The following BRINP1 variants were observed in gnomAD, a reference collection of about 807,000 sequenced individuals.
BRINP1 encodes BMP/retinoic acid inducible neural specific 1.
BRINP1 carries 17 observed loss-of-function variants against 72.9 expected under a neutral mutation model. That is an observed-to-expected ratio of 0.23 (90% CI 0.16 to 0.35). The LOEUF is 0.35. BRINP1 is among the 10% of genes least tolerant of loss of function. The pLI is 1.00. For synonymous variants in BRINP1, 418 were observed against 378.5 expected, an observed-to-expected ratio of 1.10 and a Z score of -1.21; for missense variants, 850 against 1,001.6, an observed-to-expected ratio of 0.85 and a Z score of 2.04.
intron 1 of BRINP1, among the ~76,000 whole-genome samples, chr9:119,326,194 T>C (rs575937728): frequency 6.6e-6 from 1 of 152,330 alleles, no homozygotes; most frequent in South Asian, 2.1e-4. Flanking sequence ...AGTGTTGTAG[T>C]ACCTAAAAAT....
At chr9:119,356,757 A>G (rs1365772976) in intron 1 of BRINP1, among the ~76,000 whole-genome samples, 1 of 151,408 alleles carries the variant, frequency 6.6e-6, no homozygotes, top group African/African-American at 2.4e-5. Flanking sequence ...GTAAACCGAG[A>G]TCGCACCATT....
chr9:119,308,213 C>T (rs1831018303), intron 2 of BRINP1, among the ~76,000 whole-genome samples: 2 of 152,228 alleles, frequency 1.3e-5, no homozygotes, highest in South Asian at 2.1e-4. Context: ...TTACATTGAA[C>T]TAGAGTTCTC....
intron 7 of BRINP1, among the ~76,000 whole-genome samples, chr9:119,175,625 C>A (rs1418339673): frequency 1.3e-5 from 2 of 152,122 alleles, no homozygotes; most frequent in African/African-American, 4.8e-5. Flanking sequence ...AGGCCCTCAA[C>A]ACTATAAATG....
intron 3 of BRINP1, among the ~76,000 whole-genome samples, chr9:119,246,933 C>T (rs573531790): frequency 1.2e-4 from 18 of 152,280 alleles, no homozygotes; most frequent in Admixed American, 3.3e-4. Flanking sequence ...CAAAGCTTTG[C>T]ATATTTTAAA....
chr9:119,273,109 T>C (rs1363572761), intron 2 of BRINP1, among the ~76,000 whole-genome samples: 1 of 152,066 alleles, frequency 6.6e-6, no homozygotes, highest in African/African-American at 2.4e-5. Flanking sequence ...CCAATAGCAT[T>C]GAATTCTAGA....
In BRINP1 at chr9:119,228,864, C is replaced by T. The variant is rs192238971; in HGVS notation, c.685+9791G>A. Among the ~76,000 whole-genome samples the T allele has an allele frequency of 3.3e-5, 5 of 152,164 alleles. No individual in the cohort carries two copies. In the East Asian group the frequency reaches 9.7e-4, roughly 29 times the overall value. Reference sequence around the variant, plus strand: ...ATGTGGGGAAACCATGGAGTGATTTCAGGCAAGCGTCAGTCCTAATAGGCT... The same window carrying T: ...ATGTGGGGAAACCATGGAGTGATTTTAGGCAAGCGTCAGTCCTAATAGGCT... On this transcript the variant is annotated intron_variant, in intron 5 of 7. Transcript: ENST00000265922.
intron 1 of BRINP1, among the ~76,000 whole-genome samples, chr9:119,344,040 TG>T (rs1165300928): frequency 2.6e-5 from 4 of 152,136 alleles, no homozygotes; most frequent in Non-Finnish European, 2.9e-5. Context: ...TACAGCATGT[TG>T]GGGAGATGGT....
At chr9:119,181,390 C>G (rs2118838688) in intron 7 of BRINP1, among the ~76,000 whole-genome samples, 1 of 152,292 alleles carries the variant, frequency 6.6e-6, no homozygotes, top group Non-Finnish European at 1.5e-5. Context: ...GGGCCCTGCT[C>G]TACCCCTATT....
intron 2 of BRINP1, among the ~76,000 whole-genome samples, chr9:119,309,242 T>C (rs1040463571): frequency 5.9e-5 from 9 of 152,308 alleles, no homozygotes; most frequent in African/African-American, 1.9e-4. Flanking sequence ...AGGGGAAAAC[T>C]GAGTCTCAGA....
intron 7 of BRINP1, among the ~76,000 whole-genome samples, chr9:119,172,910 A>G (rs1330545633): frequency 2.0e-5 from 3 of 150,766 alleles, no homozygotes; most frequent in East Asian, 3.9e-4. Context: ...ATGCAGAAAA[A>G]GCCTTTGACA....
At chr9:119,302,195 C>T (rs1830945578) in intron 2 of BRINP1, among the ~76,000 whole-genome samples, 1 of 152,170 alleles carries the variant, frequency 6.6e-6, no homozygotes, top group Non-Finnish European at 1.5e-5. Context: ...CATTAGAACA[C>T]AATACATTCC....
intron 1 of BRINP1, among the ~76,000 whole-genome samples, chr9:119,358,565 G>A (rs1329470819): frequency 1.3e-5 from 2 of 152,106 alleles, no homozygotes; most frequent in Non-Finnish European, 2.9e-5. Flanking sequence ...ATGGCGGCGT[G>A]TGCCTGTAGT....
chr9:119,171,006 G>C (rs230091), intron 7 of BRINP1, among the ~76,000 whole-genome samples: 2 of 138,852 alleles, frequency 1.4e-5, no homozygotes, highest in African/African-American at 6.5e-5. Context: ...AGGAACAACC[G>C]GTACCAGCCG....
At chr9:119,206,728 A>G (rs950309451) in intron 7 of BRINP1, among the ~76,000 whole-genome samples, 1 of 152,196 alleles carries the variant, frequency 6.6e-6, no homozygotes, top group Non-Finnish European at 1.5e-5. Flanking sequence ...TCTACAAGAC[A>G]TCTTCCACAG....
intron 1 of BRINP1, among the ~76,000 whole-genome samples, chr9:119,335,946 C>T (rs1831341516): frequency 6.6e-6 from 1 of 152,162 alleles, no homozygotes; most frequent in Non-Finnish European, 1.5e-5. Context: ...ACTAAGATTT[C>T]GTGCAGTCAG....
In BRINP1 at chr9:119,242,067, T is replaced by A; in HGVS notation, c.559A>T (p.Ile187Leu). The stretch of plus-strand genomic sequence containing the variant: ...TGTACCTTGATTGCTCCAGTTGATA[T>A]CTGGATCTCATGAAGCCTCCTCATG... Reference protein sequence around the residue: ...GTMRRLHEIQISTGAIKVTET... With the variant: ...GTMRRLHEIQLSTGAIKVTET... The change falls in exon 4 of 8, where the codon ATA (isoleucine) becomes TTA (leucine). Residue 187 changes from isoleucine to leucine, a missense_variant. Ile to Leu is a conservative substitution (Grantham distance 5, BLOSUM62 2). Transcript: ENST00000265922. 3 of 1,613,966 alleles carry A rather than the reference T, an allele frequency of 1.9e-6. No homozygotes were observed. The highest frequency in any genetic ancestry group is 2.5e-6 in the Non-Finnish European group (3 of 1,179,984).
chr9:119,176,014 C>G (rs944728252), intron 7 of BRINP1, among the ~76,000 whole-genome samples: 1 of 152,182 alleles, frequency 6.6e-6, no homozygotes, highest in Non-Finnish European at 1.5e-5. Flanking sequence ...TCCCACCACA[C>G]AGAGCTATGT....
intron 1 of BRINP1, among the ~76,000 whole-genome samples, chr9:119,343,308 C>T (rs963040944): frequency 1.3e-5 from 2 of 152,086 alleles, no homozygotes; most frequent in Admixed American, 6.6e-5. Context: ...GAAGAACAAC[C>T]GATTAAAAAC....
intron 2 of BRINP1, among the ~76,000 whole-genome samples, chr9:119,298,496 G>A (rs1166613667): frequency 6.7e-6 from 1 of 149,916 alleles, no homozygotes; most frequent in Non-Finnish European, 1.5e-5. Context: ...TCTTCCTTGT[G>A]TTCAATAACC....
Sources: allele counts gnomAD v4.1 joint callset (sites outside exome capture counted in the v4.1 genomes callset), GRCh38; gene constraint gnomAD v4.1.1; transcripts MANE v1.5; gene names NCBI Gene and HGNC (gene_info 2026-07-23, HGNC 2026-07-21).